The following GCNT1 variants were observed in gnomAD, a reference collection of about 807,000 sequenced individuals.
The protein encoded by GCNT1 is glucosaminyl (N-acetyl) transferase 1.
GCNT1 carries 16 observed loss-of-function variants against 26.2 expected under a neutral mutation model. The observed-to-expected ratio is 0.61, with a 90% CI of 0.41 to 0.93. GCNT1 has a LOEUF of 0.93. Among genes scored for constraint, GCNT1 ranks in the 40% least tolerant of loss-of-function variants. GCNT1 has a pLI of 0.00. For synonymous variants in GCNT1, 183 were observed against 190.8 expected, an observed-to-expected ratio of 0.96 and a Z score of 0.34; for missense variants, 477 against 526.7, an observed-to-expected ratio of 0.91 and a Z score of 0.92.
chr9:76,399,169 G>A, the GCNT1 span: 15 of 1,467,798 alleles, frequency 1.0e-5, no homozygotes, highest in South Asian at 1.7e-4. Context: ...TGCGCTATGT[G>A]GACATTGCCA....
chr9:76,447,811 C>T (rs1360650216), intron 1 of GCNT1, among the ~76,000 whole-genome samples: 2 of 152,226 alleles, frequency 1.3e-5, no homozygotes, highest in Non-Finnish European at 2.9e-5. Flanking sequence ...CCCCCTGGCT[C>T]ATCCGTCTTC....
intron 1 of GCNT1, among the ~76,000 whole-genome samples, chr9:76,436,119 T>G (rs2131578999): frequency 6.6e-6 from 1 of 151,976 alleles, no homozygotes; most frequent in South Asian, 2.1e-4. Context: ...GCCTGGCTAA[T>G]TTTTGTGTTT....
At chr9:76,469,661 T>C (rs1465546748) in intron 2 of GCNT1, among the ~76,000 whole-genome samples, 4 of 152,190 alleles carry the variant, frequency 2.6e-5, no homozygotes, top group Admixed American at 6.5e-5. Flanking sequence ...TCCATCCCTC[T>C]GGATCAGGCA....
At chr9:76,402,824 C>T in the GCNT1 span, among the ~76,000 whole-genome samples, 1 of 152,094 alleles carries the variant, frequency 6.6e-6, no homozygotes, top group South Asian at 2.1e-4. Flanking sequence ...GCATTACAGG[C>T]ACGCGCCACC....
chr9:76,476,650 A>G (rs988669161), intron 2 of GCNT1, among the ~76,000 whole-genome samples: 4 of 152,174 alleles, frequency 2.6e-5, no homozygotes, highest in African/African-American at 9.6e-5. Context: ...CTCCTGCCTG[A>G]GAGGACAGGT....
chr9:76,428,288 AACTT>A (rs1388806569), intron 1 of GCNT1, among the ~76,000 whole-genome samples: 62 of 140,536 alleles, frequency 4.4e-4, no homozygotes, highest in Non-Finnish European at 5.8e-4. Flanking sequence ...AAAAAAAAAA[AACTT>A]AAAAAAAAAA....
intron 1 of GCNT1, among the ~76,000 whole-genome samples, chr9:76,448,217 C>A (rs1364162734): frequency 6.6e-6 from 1 of 152,126 alleles, no homozygotes; most frequent in Non-Finnish European, 1.5e-5. Context: ...TCTGGGAGCC[C>A]GAGGCAGGCG....
intron 1 of GCNT1, among the ~76,000 whole-genome samples, chr9:76,443,858 A>T (rs1823520266): frequency 6.6e-6 from 1 of 151,358 alleles, no homozygotes; most frequent in Non-Finnish European, 1.5e-5. Flanking sequence ...CAACAGAGTG[A>T]GACTCTGTCT....
Position 76,443,934 on chromosome 9 carries a change from G to GAAGAAAGGAAGAAAGGAAGA in GCNT1, c.-290+1622_-290+1623insAAAGGAAGAAAGGAAGAAAG, listed in dbSNP as rs1206279247. ...GGAAGAAAGGAAGAAAGGAAGAAAG[G>GAAGAAAGGAAGAAAGGAAGA]AAGGAAGGAAGGAAGGAAGGAAGGA... On this transcript the variant is annotated intron_variant, in intron 1 of 2. Transcript: ENST00000442371. 8.9e-3 allele frequency among the ~76,000 whole-genome samples: 354 copies of GAAGAAAGGAAGAAAGGAAGA among 39,986 alleles called. 1 individual carries two copies. Among genetic ancestry groups the GAAGAAAGGAAGAAAGGAAGA allele is most frequent in the African/African-American group, 0.022 (263 of 11,856 alleles). The allele number at this position is 39,986 out of a possible 152,430, so 26.2% of individuals were successfully genotyped here.
chr9:76,462,316 G>C (rs1189745470), intron 2 of GCNT1, among the ~76,000 whole-genome samples: 1 of 152,186 alleles, frequency 6.6e-6, no homozygotes, highest in Non-Finnish European at 1.5e-5. Context: ...TGTGGAGACT[G>C]TCTGTATTCT....
the GCNT1 span, chr9:76,399,466 T>C: frequency 5.7e-6 from 9 of 1,582,858 alleles, no homozygotes; most frequent in Non-Finnish European, 7.7e-6. Context: ...AGGTGCCCTC[T>C]GTGCCTATTC....
intron 2 of GCNT1, among the ~76,000 whole-genome samples, chr9:76,485,960 G>A (rs1448614806): frequency 6.6e-6 from 1 of 152,186 alleles, no homozygotes; most frequent in Non-Finnish European, 1.5e-5. Context: ...CTGAACTCCA[G>A]ACCTCAAGTG....
intron 2 of GCNT1, among the ~76,000 whole-genome samples, chr9:76,480,793 A>C (rs1824401233): frequency 6.6e-6 from 1 of 152,218 alleles, no homozygotes; most frequent in Non-Finnish European, 1.5e-5. Flanking sequence ...TAATTCAGGC[A>C]TGGAGAACTG....
At chr9:76,457,728 A>G (rs1388597606), upstream of GCNT1, among the ~76,000 whole-genome samples, 1 of 152,234 alleles carries the variant, frequency 6.6e-6, no homozygotes, top group Non-Finnish European at 1.5e-5. Flanking sequence ...ATTATTTTTA[A>G]AAGTTTATAA....
rs114474203 is a variant in GCNT1 at position 76,434,221 on chromosome 9, G to A, written n.38+14334G>A. On this transcript the variant is annotated intron_variant and non_coding_transcript_variant, in intron 1 of 3. Coordinates refer to the GCNT1 transcript ENST00000488136. ...CTGGGGGTCTTGGAACGTATCTCCT[G>A]TGGATAAGGGGGGACTAATGTAGTA... Among the ~76,000 whole-genome samples the A allele has an allele frequency of 2.6e-3, 399 of 152,278 alleles. 1 individual carries two copies. Among genetic ancestry groups the A allele is most frequent in the African/African-American group, 9.3e-3 (386 of 41,548 alleles).
chr9:76,453,767 G>T (rs574949556), intron 1 of GCNT1, among the ~76,000 whole-genome samples: 8 of 152,236 alleles, frequency 5.3e-5, no homozygotes, highest in African/African-American at 1.9e-4. Flanking sequence ...CCAGAGCACT[G>T]GTTCAAGACT....
chr9:76,467,519 C>G (rs546957945), intron 2 of GCNT1, among the ~76,000 whole-genome samples: 2 of 152,238 alleles, frequency 1.3e-5, no homozygotes, highest in East Asian at 3.9e-4. Context: ...CCAGGTCAAA[C>G]TCTATATCAA....
At chr9:76,424,935 T>A (rs1447856685) in intron 1 of GCNT1, among the ~76,000 whole-genome samples, 1 of 151,962 alleles carries the variant, frequency 6.6e-6, no homozygotes, top group Admixed American at 6.6e-5. Flanking sequence ...GTCAGGAGAT[T>A]GAGACCATCC....
At chr9:76,445,817 A>T (rs1039008427) in intron 1 of GCNT1, among the ~76,000 whole-genome samples, 40 of 150,478 alleles carry the variant, frequency 2.7e-4, no homozygotes, top group Admixed American at 1.5e-3. Context: ...CTCTATAAAA[A>T]ATAGAAAATA....
Sources: allele counts gnomAD v4.1 joint callset (sites outside exome capture counted in the v4.1 genomes callset), GRCh38; gene constraint gnomAD v4.1.1; transcripts MANE v1.5; gene names NCBI Gene and HGNC (gene_info 2026-07-23, HGNC 2026-07-21).